BCAS4: variants seen among roughly 807,000 people sequenced by gnomAD.
BCAS4 encodes the protein breast carcinoma amplified sequence 4, also known as breast carcinoma-amplified sequence 4.
Under a neutral mutation model 15.7 loss-of-function variants are expected in BCAS4, and 9 were observed. That is an observed-to-expected ratio of 0.57 (90% CI 0.34 to 1.00). The LOEUF (loss-of-function observed/expected upper bound fraction) is 1.00, where lower values mean the gene tolerates loss of function less well. BCAS4 is among the 50% of genes least tolerant of loss of function. BCAS4 has a pLI of 0.02. For missense variants in BCAS4, 225 were observed against 239.1 expected (o/e 0.94, Z 0.39); for synonymous variants, 101 against 99.5 (o/e 1.02, Z -0.09).
intron 3 of BCAS4, 122 bp from the exon 4 acceptor site, chr20:50,841,644 C>T: frequency 1.5e-6 from 2 of 1,359,876 alleles, no homozygotes; most frequent in Non-Finnish European, 1.0e-6. Context: ...CAGGGAGCCC[C>T]ATTGGAGGGA....
intron 3 of BCAS4, among the ~76,000 whole-genome samples, chr20:50,839,473 A>G (rs2088450747): frequency 6.6e-6 from 1 of 152,108 alleles, no homozygotes; most frequent in Non-Finnish European, 1.5e-5. Context: ...GGCTCTTAAT[A>G]TGTACTAAGC....
At chr20:50,852,173 T>G (rs1019294419) in intron 4 of BCAS4, among the ~76,000 whole-genome samples, 5 of 152,190 alleles carry the variant, frequency 3.3e-5, no homozygotes, top group African/African-American at 1.2e-4. Context: ...AGCCAGGGCC[T>G]GGCCCATTTG....
chr20:50,806,629 C>T (rs2087992353), intron 1 of BCAS4, among the ~76,000 whole-genome samples: 1 of 152,262 alleles, frequency 6.6e-6, no homozygotes, highest in African/African-American at 2.4e-5. Context: ...GGCCTCTCAA[C>T]CTCTAGAGCC....
intron 4 of BCAS4, among the ~76,000 whole-genome samples, chr20:50,861,573 G>A (rs911815686): frequency 6.6e-6 from 1 of 152,200 alleles, no homozygotes; most frequent in African/African-American, 2.4e-5. Context: ...GATGGGGTTG[G>A]CAGGTGAGGG....
At position 50,851,745 on chromosome 20, in the gene BCAS4, CCTCCCTGGAAAACCCTTCCCG is replaced by C. The variant is rs1198894745; in HGVS notation, c.399+9851_399+9871del. Among the ~76,000 whole-genome samples the C allele has an allele frequency of 1.3e-5, 2 of 152,142 alleles. No individual in the cohort carries two copies. Among genetic ancestry groups the C allele is most frequent in the African/African-American group, 4.8e-5 (2 of 41,420 alleles). ...TGCGGCCTTTGCACATGCCGGTTCC[CCTCCCTGGAAAACCCTTCCCG>C]CTCCCCACCTGGCAATGTTCATTAT... is the stretch of plus-strand genomic sequence containing the variant. On this transcript the variant is annotated intron_variant, in intron 4 of 4. Transcript: ENST00000371608. The surrounding 1 kb of genome is among the most constrained non-coding windows in gnomAD (Gnocchi z 4.3).
intron 4 of BCAS4, among the ~76,000 whole-genome samples, chr20:50,858,508 A>G (rs1448588430): frequency 6.6e-6 from 1 of 152,150 alleles, no homozygotes; most frequent in African/African-American, 2.4e-5. Context: ...AGGGTGAGGC[A>G]GGAGAATCAC....
intron 1 of BCAS4, among the ~76,000 whole-genome samples, chr20:50,796,483 ATATATTTTTTTTT>A (rs1158262610): frequency 9.4e-5 from 1 of 10,602 alleles, no homozygotes; most frequent in East Asian, 2.8e-3. Flanking sequence ...ATATATATAT[ATATATTTTTTTTT>A]TTTTTTTTTT....
chr20:50,796,478 TATA>T (rs1300252250), intron 1 of BCAS4, among the ~76,000 whole-genome samples: 91 of 14,596 alleles, frequency 6.2e-3, no homozygotes, highest in African/African-American at 0.013. Context: ...TATATATATA[TATA>T]TATATATTTT....
chr20:50,811,975 TTC>T (rs1255798437), intron 1 of BCAS4, among the ~76,000 whole-genome samples: 1 of 152,226 alleles, frequency 6.6e-6, no homozygotes, highest in Non-Finnish European at 1.5e-5. Flanking sequence ...TGTGCCTGGC[TTC>T]TCTCACTTAG....
chr20:50,795,005 C>T (rs1197890189), upstream of BCAS4: 6 of 1,351,260 alleles, frequency 4.4e-6, no homozygotes, highest in East Asian at 1.2e-4. Flanking sequence ...TGCAGCGGAC[C>T]GGGGGCGGGG....
intron 1 of BCAS4, among the ~76,000 whole-genome samples, chr20:50,816,711 C>T (rs1269377078): frequency 1.3e-5 from 2 of 151,238 alleles, no homozygotes; most frequent in Admixed American, 1.3e-4. Flanking sequence ...GCCTGGAGTG[C>T]AGTGGTGCGA....
At chr20:50,863,248 CTTTTTTTTTTT>C (rs1054175958) in intron 4 of BCAS4, among the ~76,000 whole-genome samples, 1 of 86,096 alleles carries the variant, frequency 1.2e-5, no homozygotes, top group Non-Finnish European at 2.2e-5. Context: ...CTAACTGGTG[CTTTTTTTTTTT>C]TTTTTTTTTT....
intron 4 of BCAS4, chr20:50,875,969 C>T (rs1057274798): frequency 5.3e-5 from 24 of 455,992 alleles, no homozygotes; most frequent in African/African-American, 1.8e-4. Flanking sequence ...TTTTCTTCCC[C>T]GAGACATTGT....
intron 4 of BCAS4, among the ~76,000 whole-genome samples, chr20:50,859,937 C>T (rs1236385868): frequency 2.6e-5 from 4 of 152,056 alleles, no homozygotes; most frequent in East Asian, 1.9e-4. Flanking sequence ...CCCAGGATTT[C>T]GAGACCAGCC....
chr20:50,805,900 C>T (rs2087983447), intron 1 of BCAS4, among the ~76,000 whole-genome samples: 1 of 151,414 alleles, frequency 6.6e-6, no homozygotes, highest in Admixed American at 6.6e-5. Flanking sequence ...TTGCTTGAAC[C>T]TGGGAGGCAG....
rs1451420392 is a variant in BCAS4 at position 50,841,101 on chromosome 20, A to T, written c.265-665A>T. On this transcript the variant is annotated intron_variant, in intron 3 of 4. Transcript: ENST00000371608. ...CGCCTCAGCCTCCCAAAGTGCTGGGATTACAGGCGTGAGCCACCGCACCCC... is the reference window on the plus strand; with the variant it reads ...CGCCTCAGCCTCCCAAAGTGCTGGGTTTACAGGCGTGAGCCACCGCACCCC... 7.2e-5 allele frequency among the ~76,000 whole-genome samples: 11 copies of T among 152,172 alleles called. No individual in the cohort carries two copies. In the East Asian group the frequency reaches 2.1e-3, roughly 29 times the overall value.
Position 50,876,424 on chromosome 20 carries a change from TC to T in BCAS4, c.400-60del, listed in dbSNP as rs543315428. ...CAGGATGAACTTGTAGACCGGGAAT[TC>T]CTGGGTCATGGAACAAGTGGATCCA... On this transcript the variant is annotated intron_variant, in intron 4 of 4. Transcript: ENST00000371608. 17 of 1,590,104 alleles carry T rather than the reference TC, an allele frequency of 1.1e-5. No individual in the cohort carries two copies. In the African/African-American group the frequency reaches 1.6e-4, roughly 15 times the overall value.
intron 4 of BCAS4, among the ~76,000 whole-genome samples, chr20:50,869,429 C>A (rs1266233678): frequency 6.6e-6 from 1 of 152,176 alleles, no homozygotes; most frequent in South Asian, 2.1e-4. Flanking sequence ...TGTCCACCCC[C>A]CCTTTTGGGG....
In BCAS4 at chr20:50,831,063, A is replaced by C. The variant is rs191886754; in HGVS notation, c.264+683A>C. 1.3e-3 allele frequency among the ~76,000 whole-genome samples: 194 copies of C among 152,208 alleles called. 2 individuals are homozygous for C. Among genetic ancestry groups the C allele is most frequent in the Middle Eastern group, 3.4e-3 (1 of 294 alleles). On this transcript the variant is annotated intron_variant, in intron 3 of 4. Coordinates refer to ENST00000371608, the MANE Select transcript of BCAS4 (RefSeq NM_198799.4). ...GTGAATTTTTACATATATCGACATCATGTGATGATGACCCAAATTGAGAGA... is the reference window on the plus strand; with the variant it reads ...GTGAATTTTTACATATATCGACATCCTGTGATGATGACCCAAATTGAGAGA...
Sources: gnomAD v4.1 joint callset for allele counts (sites outside exome capture counted in the v4.1 genomes callset) on GRCh38, gnomAD v4.1.1 for gene constraint, Gnocchi (gnomAD v3.1) non-coding constraint, MANE v1.5 for transcripts, NCBI Gene and HGNC (gene_info 2026-07-23, HGNC 2026-07-21) for gene names.